The following RETREG1 variants were observed in gnomAD, a reference collection of about 807,000 sequenced individuals.
RETREG1 encodes the protein reticulophagy regulator 1, also known as family with sequence similarity 134 member B.
A neutral mutation model predicts 54.8 loss-of-function variants in RETREG1; 44 were observed. The observed-to-expected ratio is 0.80, with a 90% confidence interval of 0.63 to 1.03. The LOEUF is 1.03. RETREG1 is among the 50% of genes least tolerant of loss of function. The pLI is 0.00. For missense variants in RETREG1, 554 were observed against 605.1 expected, an observed-to-expected ratio of 0.92 and a Z score of 0.89; for synonymous variants, 217 against 238.5, an observed-to-expected ratio of 0.91 and a Z score of 0.83.
chr5:16,571,448 A>C (rs1389205969), intron 2 of RETREG1, among the ~76,000 whole-genome samples: 1 of 152,192 alleles, frequency 6.6e-6, no homozygotes, highest in East Asian at 1.9e-4. Context: ...AGTATGCAAA[A>C]GACTTGAGTC....
intron 1 of RETREG1, among the ~76,000 whole-genome samples, chr5:16,610,002 A>G (rs1743294888): frequency 6.6e-6 from 1 of 152,152 alleles, no homozygotes; most frequent in African/African-American, 2.4e-5. Flanking sequence ...ATTCCTGTTC[A>G]GTGAGTGTGG....
At chr5:16,514,578 G>C (rs1268652960) in intron 3 of RETREG1, among the ~76,000 whole-genome samples, 1 of 151,848 alleles carries the variant, frequency 6.6e-6, no homozygotes, top group Non-Finnish European at 1.5e-5. Context: ...GTGGTATTTG[G>C]TTACATGGAT....
intron 3 of RETREG1, among the ~76,000 whole-genome samples, chr5:16,523,276 A>T (rs138958580): frequency 2.0e-5 from 3 of 152,064 alleles, no homozygotes; most frequent in Non-Finnish European, 4.4e-5. Flanking sequence ...CATCCCTTCC[A>T]GGATACCCAG....
intron 3 of RETREG1, among the ~76,000 whole-genome samples, chr5:16,527,110 A>G (rs425779): frequency 0.86 from 130,476 of 152,228 alleles, 56,005 homozygotes; most frequent in Middle Eastern, 0.88. Flanking sequence ...TTCCCCCGCC[A>G]GGTGATGATT....
At chr5:16,496,078 A>G (rs1739442430) in intron 3 of RETREG1, among the ~76,000 whole-genome samples, 1 of 152,090 alleles carries the variant, frequency 6.6e-6, no homozygotes, top group Admixed American at 6.6e-5. Context: ...ATCATTCTAA[A>G]TTTTTCTGCT....
At chr5:16,547,147 A>T (rs532145242) in intron 3 of RETREG1, among the ~76,000 whole-genome samples, 1 of 152,352 alleles carries the variant, frequency 6.6e-6, no homozygotes, top group East Asian at 1.9e-4. Flanking sequence ...ACAGCTCAAG[A>T]CACCCACAGG....
intron 3 of RETREG1, among the ~76,000 whole-genome samples, chr5:16,505,944 G>C (rs1739936069): frequency 6.6e-6 from 1 of 152,208 alleles, no homozygotes; most frequent in South Asian, 2.1e-4. Flanking sequence ...TCTTGACCTT[G>C]GAAAAGGGCA....
chr5:16,530,449 G>T (rs1412424029), intron 3 of RETREG1, among the ~76,000 whole-genome samples: 1 of 152,172 alleles, frequency 6.6e-6, no homozygotes, highest in East Asian at 1.9e-4. Context: ...AGTGGTTGTG[G>T]AGATTTAATA....
At chr5:16,570,837 A>C (rs1283273347) in intron 2 of RETREG1, among the ~76,000 whole-genome samples, 1 of 152,176 alleles carries the variant, frequency 6.6e-6, no homozygotes, top group East Asian at 1.9e-4. Flanking sequence ...CTGTTCCCTG[A>C]AACAGAAAAA....
chr5:16,595,379 AATTT>A (rs1742873787), intron 1 of RETREG1, among the ~76,000 whole-genome samples: 1 of 152,190 alleles, frequency 6.6e-6, no homozygotes, highest in Admixed American at 6.5e-5. Context: ...TTTCAGAGAG[AATTT>A]ATTAACCAAA....
chr5:16,520,717 A>T (rs1740508654), intron 3 of RETREG1, among the ~76,000 whole-genome samples: 1 of 152,228 alleles, frequency 6.6e-6, no homozygotes. Flanking sequence ...TAATTAAATT[A>T]ATTTAAAATA....
At chr5:16,491,666 G>A (rs1351490143) in intron 3 of RETREG1, among the ~76,000 whole-genome samples, 3 of 152,066 alleles carry the variant, frequency 2.0e-5, no homozygotes, top group African/African-American at 4.8e-5. Flanking sequence ...TCATCTATAG[G>A]GAAGAGTTTT....
intron 3 of RETREG1, among the ~76,000 whole-genome samples, chr5:16,557,785 G>A (rs1342813681): frequency 2.6e-5 from 4 of 152,130 alleles, no homozygotes; most frequent in African/African-American, 7.2e-5. Context: ...TACTTATAAC[G>A]CGTATGTCCA....
chr5:16,542,453 G>A (rs1342518211), intron 3 of RETREG1, among the ~76,000 whole-genome samples: 1 of 151,208 alleles, frequency 6.6e-6, no homozygotes, highest in Non-Finnish European at 1.5e-5. Flanking sequence ...AATAGAACCT[G>A]TTTTCCTCCA....
intron 3 of RETREG1, among the ~76,000 whole-genome samples, chr5:16,503,428 G>A (rs912121033): frequency 2.0e-5 from 3 of 152,028 alleles, no homozygotes; most frequent in Non-Finnish European, 2.9e-5. Context: ...CAACACTTTG[G>A]GAGCCCGAGG....
intron 3 of RETREG1, among the ~76,000 whole-genome samples, chr5:16,563,402 C>T (rs1230768728): frequency 6.6e-6 from 1 of 152,104 alleles, no homozygotes; most frequent in Admixed American, 6.6e-5. Flanking sequence ...AATTTACATG[C>T]ATGCGCCACC....
intron 1 of RETREG1, among the ~76,000 whole-genome samples, chr5:16,602,211 C>T (rs572622011): frequency 5.9e-5 from 9 of 152,260 alleles, no homozygotes; most frequent in Admixed American, 1.3e-4. Flanking sequence ...AAACCTTACA[C>T]TCTCATGAAT....
At chr5:16,507,294 G>T (rs1174627632) in intron 3 of RETREG1, among the ~76,000 whole-genome samples, 1 of 152,180 alleles carries the variant, frequency 6.6e-6, no homozygotes, top group African/African-American at 2.4e-5. Flanking sequence ...TGCCTGTTCT[G>T]TGAAAATTCT....
chr5:16,547,930 CTG>C (rs1741432704), intron 3 of RETREG1, among the ~76,000 whole-genome samples: 1 of 152,010 alleles, frequency 6.6e-6, no homozygotes, highest in Non-Finnish European at 1.5e-5. Flanking sequence ...CAACAAAACA[CTG>C]AGGGTTAGAA....
Sources: gnomAD v4.1 joint callset for allele counts (sites outside exome capture counted in the v4.1 genomes callset) on GRCh38, gnomAD v4.1.1 for gene constraint, MANE v1.5 for transcripts, NCBI Gene and HGNC (gene_info 2026-07-23, HGNC 2026-07-21) for gene names.